Variants in KIAA1549 observed in about 807,000 individuals in gnomAD.
KIAA1549 encodes the protein KIAA1549.
In KIAA1549, 70 loss-of-function variants were observed where a neutral mutation model predicts 156.4. The observed-to-expected ratio is 0.45, with a 90% CI of 0.37 to 0.55. KIAA1549 has a LOEUF of 0.55. Ranked by LOEUF, KIAA1549 falls within the 20% of genes least tolerant of loss-of-function variation. The pLI, the probability that KIAA1549 is intolerant of heterozygous loss-of-function variation, is 0.00. For missense variants in KIAA1549, 2,428 were observed against 2,540.9 expected (o/e 0.96, Z 0.96); for synonymous variants, 1,103 against 1,066.4 (o/e 1.03, Z -0.67).
intron 9 of KIAA1549, among the ~76,000 whole-genome samples, chr7:138,896,330 C>A (rs1351806233): frequency 6.6e-6 from 1 of 152,104 alleles, no homozygotes; most frequent in Non-Finnish European, 1.5e-5. Context: ...TGGGTTTAGA[C>A]ACCTAAGGGA....
chr7:138,874,876 G>A (rs1001730770), intron 12 of KIAA1549, among the ~76,000 whole-genome samples: 14 of 152,008 alleles, frequency 9.2e-5, no homozygotes, highest in Non-Finnish European at 1.9e-4. Flanking sequence ...ACACCTGTAG[G>A]CCCAGCTACT....
At chr7:138,866,350 A>G (rs886686808) in intron 15 of KIAA1549, among the ~76,000 whole-genome samples, 10 of 152,248 alleles carry the variant, frequency 6.6e-5, no homozygotes, top group African/African-American at 2.4e-4. Flanking sequence ...AATTATATTT[A>G]GCCTATTTAA....
intron 1 of KIAA1549, among the ~76,000 whole-genome samples, chr7:138,956,770 T>G (rs571896682): frequency 6.6e-6 from 1 of 152,342 alleles, no homozygotes; most frequent in East Asian, 1.9e-4. Context: ...AAGTTGCTAT[T>G]AATTCTGATC....
chr7:138,979,117 G>A (rs55791927), intron 1 of KIAA1549, among the ~76,000 whole-genome samples: 49 of 152,212 alleles, frequency 3.2e-4, no homozygotes, highest in African/African-American at 1.2e-3. Context: ...TAGTCTATGA[G>A]CCTGGCAGCG....
Position 138,918,259 on chromosome 7 carries a change from AGCACGGTCAT to A in KIAA1549, c.1357_1366del (p.Met453TrpfsTer8). On this transcript the variant is annotated frameshift_variant, in exon 2 of 20. Coordinates refer to ENST00000422774, the MANE Select transcript of KIAA1549 (RefSeq NM_001164665.2). LOFTEE classifies it high-confidence loss of function. This position sits in a 1 kb window ranked among gnomAD's most constrained non-coding sequence, Gnocchi z 4.2. The stretch of plus-strand genomic sequence containing the variant: ...CATTAGAGAGATGCTGCTTTCTTCC[AGCACGGTCAT>A]GCACAGAGTCTCGGCACCATCCCCT... 1 of 1,614,020 alleles carries A rather than the reference AGCACGGTCAT, an allele frequency of 6.2e-7. No homozygotes were observed. Among genetic ancestry groups the A allele is most frequent in the Non-Finnish European group, 8.5e-7 (1 of 1,179,890 alleles).
intron 16 of KIAA1549, among the ~76,000 whole-genome samples, chr7:138,857,070 C>A (rs998213624): frequency 6.6e-6 from 1 of 152,206 alleles, no homozygotes; most frequent in African/African-American, 2.4e-5. Flanking sequence ...TGGAAACCAT[C>A]GCTCAGGCCT....
intron 16 of KIAA1549, among the ~76,000 whole-genome samples, chr7:138,854,366 A>G (rs1015659173): frequency 2.0e-5 from 3 of 152,202 alleles, no homozygotes; most frequent in Admixed American, 2.0e-4. Flanking sequence ...TCAAAGGACT[A>G]GTCCATAGAG....
At chr7:138,937,281 C>T (rs1237500598) in intron 1 of KIAA1549, among the ~76,000 whole-genome samples, 3 of 152,152 alleles carry the variant, frequency 2.0e-5, no homozygotes, top group Non-Finnish European at 4.4e-5. Flanking sequence ...AGGTTGCATT[C>T]TTGATTTACT....
intron 9 of KIAA1549, among the ~76,000 whole-genome samples, chr7:138,897,659 C>T (rs1202305518): frequency 6.6e-6 from 1 of 151,746 alleles, no homozygotes; most frequent in African/African-American, 2.4e-5. Flanking sequence ...CTTGGGAGGT[C>T]AAGGTGGGAG....
intron 2 of KIAA1549, among the ~76,000 whole-genome samples, chr7:138,914,015 G>A (rs987225793): frequency 1.1e-4 from 15 of 136,206 alleles, no homozygotes; most frequent in Non-Finnish European, 6.3e-5. Flanking sequence ...AAGAAGGAAG[G>A]AAGGAAGAAA....
chr7:138,928,837 T>C (rs1459126195), intron 1 of KIAA1549, among the ~76,000 whole-genome samples: 1 of 150,428 alleles, frequency 6.6e-6, no homozygotes, highest in Non-Finnish European at 1.5e-5. Flanking sequence ...CACACCAACA[T>C]GGCACATATA....
chr7:138,914,587 C>T (rs754886707), intron 2 of KIAA1549, among the ~76,000 whole-genome samples: 5 of 152,138 alleles, frequency 3.3e-5, no homozygotes, highest in Non-Finnish European at 7.3e-5. Flanking sequence ...CTCTCACTAA[C>T]GGACAACCAT....
At chr7:138,980,969 C>T (rs1238752711) in intron 1 of KIAA1549, 114 bp downstream of exon 1, 2 of 966,068 alleles carry the variant, frequency 2.1e-6, no homozygotes, top group Non-Finnish European at 1.3e-6. Context: ...GAAAGGACGG[C>T]GAGGGAGCTG....
intron 11 of KIAA1549, 57 bp downstream of exon 11, chr7:138,881,331 C>G: frequency 6.5e-7 from 1 of 1,528,384 alleles, no homozygotes; most frequent in Non-Finnish European, 8.9e-7. Context: ...AAACTCACAG[C>G]CTGATAACAG....
intron 1 of KIAA1549, among the ~76,000 whole-genome samples, chr7:138,960,808 G>A (rs747921561): frequency 6.6e-6 from 1 of 152,138 alleles, no homozygotes; most frequent in Non-Finnish European, 1.5e-5. Context: ...TGCCCTGTAG[G>A]ACTAGAAACA....
chr7:138,887,600 C>T (rs946026790), intron 10 of KIAA1549, among the ~76,000 whole-genome samples: 1 of 152,216 alleles, frequency 6.6e-6, no homozygotes, highest in Non-Finnish European at 1.5e-5. Flanking sequence ...TTTCCCAAGT[C>T]CTCCCACTTT....
chr7:138,909,396 G>T (rs1812105491), intron 4 of KIAA1549, among the ~76,000 whole-genome samples: 1 of 152,168 alleles, frequency 6.6e-6, no homozygotes, highest in African/African-American at 2.4e-5. Flanking sequence ...ACAATGGATG[G>T]AAACATTTCA....
chr7:138,905,270 T>G (rs771923313), intron 6 of KIAA1549, among the ~76,000 whole-genome samples, 189 bp from the exon 7 acceptor site: 9 of 152,010 alleles, frequency 5.9e-5, no homozygotes, highest in African/African-American at 1.9e-4. Context: ...AAGAGAGAGA[T>G]AAAAAGAAAA....
chr7:138,960,045 T>C lies in KIAA1549; in HGVS notation c.187+21038A>G, dbSNP rs150992446. Among the ~76,000 whole-genome samples the C allele has an allele frequency of 7.1e-4, 108 of 152,238 alleles. No homozygotes were observed. In the East Asian group the frequency reaches 0.015, roughly 21 times the overall value. ...AATTAGAGTGACAGCCCAACTCCAA[T>C]TGGTCAAAGGCTGACCGGGCCACTG... On this transcript the variant is annotated intron_variant, in intron 1 of 19. Coordinates refer to ENST00000422774, the MANE Select transcript of KIAA1549 (RefSeq NM_001164665.2).
Sources: gnomAD v4.1 joint callset for allele counts (sites outside exome capture counted in the v4.1 genomes callset) on GRCh38, gnomAD v4.1.1 for gene constraint, Gnocchi (gnomAD v3.1) non-coding constraint, MANE v1.5 for transcripts, NCBI Gene and HGNC (gene_info 2026-07-23, HGNC 2026-07-21) for gene names.